PLEKHG1: variants seen among roughly 807,000 people sequenced by gnomAD.
The protein encoded by PLEKHG1 is pleckstrin homology domain-containing family G member 1.
Under a neutral mutation model 100.8 loss-of-function variants are expected in PLEKHG1, and 44 were observed. The observed-to-expected ratio is 0.44, with a 90% CI of 0.34 to 0.56. The LOEUF is 0.56. Among genes scored for constraint, PLEKHG1 ranks in the 20% least tolerant of loss-of-function variants. PLEKHG1 has a pLI of 0.01. For missense variants in PLEKHG1, 1,545 were observed against 1,720.9 expected, an observed-to-expected ratio of 0.90 and a Z score of 1.81; for synonymous variants, 640 against 662.5, an observed-to-expected ratio of 0.97 and a Z score of 0.52.
chr6:150,727,616 G>T (rs909983063), intron 1 of PLEKHG1, among the ~76,000 whole-genome samples: 2 of 147,902 alleles, frequency 1.4e-5, no homozygotes, highest in African/African-American at 5.1e-5. Context: ...AAAAAAAAAA[G>T]AATATTTTAT....
At position 150,809,306 on chromosome 6, in the gene PLEKHG1, C is replaced by T; in HGVS notation, c.1095+19C>T. On this transcript the variant is annotated intron_variant, in intron 8 of 15. Coordinates refer to ENST00000358517, the Ensembl canonical transcript of PLEKHG1. ...CATCCTGGTAGGTCTGCACGCTGGC[C>T]ATGGGCAGGGACTCAGATCCCCAGT... 6.2e-7 allele frequency: 1 copy of T among 1,612,072 alleles called. No homozygotes were observed. Among genetic ancestry groups the T allele is most frequent in the Non-Finnish European group, 8.5e-7 (1 of 1,178,504 alleles).
intron 1 of PLEKHG1, among the ~76,000 whole-genome samples, chr6:150,635,166 C>T (rs1582853400): frequency 6.6e-6 from 1 of 152,130 alleles, no homozygotes; most frequent in Non-Finnish European, 1.5e-5. Context: ...ATTTCATTAC[C>T]TTTACTCCAG....
intron 3 of PLEKHG1, among the ~76,000 whole-genome samples, chr6:150,674,632 C>CCTCTCTCTCTCTCTCTCTCTCT (rs756355880): frequency 4.5e-5 from 3 of 66,280 alleles, no homozygotes; most frequent in African/African-American, 6.8e-5. Context: ...CTCTCTCCTC[C>CCTCTCTCTCTCTCTCTCTCTCT]CTCTCTCTCT....
intron 3 of PLEKHG1, among the ~76,000 whole-genome samples, chr6:150,679,975 G>A (rs779220128): frequency 1.6e-4 from 24 of 152,206 alleles, no homozygotes; most frequent in Non-Finnish European, 3.4e-4. Flanking sequence ...TGGTATGGGA[G>A]AGAAGGCCAG....
At chr6:150,656,184 G>T (rs569678954) in intron 3 of PLEKHG1, among the ~76,000 whole-genome samples, 1 of 152,130 alleles carries the variant, frequency 6.6e-6, no homozygotes, top group African/African-American at 2.4e-5. Context: ...GACATTTTGT[G>T]GGGGAGACTT....
At chr6:150,827,541 G>A in intron 14 of PLEKHG1, 1 of 588,530 alleles carries the variant, frequency 1.7e-6, no homozygotes, top group South Asian at 1.9e-5. Flanking sequence ...CTTCCAAAGT[G>A]CTGGGATTAC....
intron 1 of PLEKHG1, among the ~76,000 whole-genome samples, chr6:150,632,197 A>G (rs956909688): frequency 2.0e-5 from 3 of 152,348 alleles, no homozygotes; most frequent in African/African-American, 7.2e-5. Context: ...TCCATTCTCT[A>G]TTATAAACAC....
chr6:150,621,896 G>T (rs1777315313), intron 1 of PLEKHG1, among the ~76,000 whole-genome samples: 1 of 152,150 alleles, frequency 6.6e-6, no homozygotes, highest in South Asian at 2.1e-4. Context: ...CTTATGACTT[G>T]AACACGTTAC....
chr6:150,715,490 CTTTT>C (rs35466419), intron 3 of PLEKHG1, among the ~76,000 whole-genome samples: 2 of 133,430 alleles, frequency 1.5e-5, no homozygotes, highest in Non-Finnish European at 3.2e-5. Context: ...TTTTCTTTTT[CTTTT>C]TTTTTTTTTT....
intron 6 of PLEKHG1, among the ~76,000 whole-genome samples, chr6:150,801,432 CTTTTCTTTT>C (rs1242261736): frequency 7.9e-6 from 1 of 125,878 alleles, no homozygotes; most frequent in African/African-American, 2.9e-5. Context: ...TTTTTCTTTT[CTTTTCTTTT>C]TTTTTTTTTT....
At chr6:150,680,732 G>C (rs1779901587) in intron 3 of PLEKHG1, among the ~76,000 whole-genome samples, 1 of 152,234 alleles carries the variant, frequency 6.6e-6, no homozygotes, top group Non-Finnish European at 1.5e-5. Context: ...TCATATTACA[G>C]GTAACTGTTT....
intron 11 of PLEKHG1, among the ~76,000 whole-genome samples, chr6:150,818,809 A>G (rs1776133567): frequency 6.6e-6 from 1 of 152,256 alleles, no homozygotes; most frequent in African/African-American, 2.4e-5. Context: ...GTGGCTTTAA[A>G]TGCAGTCAGG....
intron 2 of PLEKHG1, among the ~76,000 whole-genome samples, chr6:150,740,459 C>T (rs890092371): frequency 1.4e-4 from 21 of 152,196 alleles, no homozygotes; most frequent in Non-Finnish European, 3.1e-4. Flanking sequence ...GGGGAATTGT[C>T]GCAGATTTTA....
chr6:150,641,932 T>C (rs1159707698), intron 2 of PLEKHG1, among the ~76,000 whole-genome samples: 1 of 149,012 alleles, frequency 6.7e-6, no homozygotes, highest in Non-Finnish European at 1.5e-5. Context: ...AATAGAATAT[T>C]TTCAAGTGAT....
intron 14 of PLEKHG1, among the ~76,000 whole-genome samples, chr6:150,830,173 T>C (rs1776836498): frequency 1.3e-5 from 2 of 152,190 alleles, no homozygotes; most frequent in Non-Finnish European, 2.9e-5. Flanking sequence ...AACCTAGATT[T>C]CCTTACTGTG....
intron 1 of PLEKHG1, among the ~76,000 whole-genome samples, chr6:150,612,052 C>T (rs1283025870): frequency 2.9e-5 from 3 of 101,922 alleles, no homozygotes; most frequent in South Asian, 4.8e-4. Flanking sequence ...TGTTCCCCCC[C>T]CCCCCCCCTT....
intron 1 of PLEKHG1, among the ~76,000 whole-genome samples, chr6:150,730,022 A>T (rs4446576): frequency 0.9 from 137,296 of 152,200 alleles, 62,113 homozygotes; most frequent in Non-Finnish European, 0.93. Flanking sequence ...GGTATCTAAT[A>T]TAAAGTGAAA....
At chr6:150,659,993 A>G (rs1037021400) in intron 3 of PLEKHG1, among the ~76,000 whole-genome samples, 1 of 152,212 alleles carries the variant, frequency 6.6e-6, no homozygotes, top group African/African-American at 2.4e-5. Context: ...AATAAAAATA[A>G]GCTAAGTTGG....
intron 3 of PLEKHG1, among the ~76,000 whole-genome samples, chr6:150,772,625 T>A (rs1434080082): frequency 1.3e-5 from 2 of 152,186 alleles, no homozygotes; most frequent in South Asian, 4.1e-4. Context: ...TCTCAAAAAA[T>A]AAGTCATATG....
Sources: allele counts gnomAD v4.1 joint callset (sites outside exome capture counted in the v4.1 genomes callset), GRCh38; gene constraint gnomAD v4.1.1; transcripts MANE v1.5; gene names NCBI Gene and HGNC (gene_info 2026-07-23, HGNC 2026-07-21).